Variants in PHC2 observed in about 807,000 individuals in gnomAD.
PHC2 encodes the protein polyhomeotic homolog 2.
Under a neutral mutation model 87.4 loss-of-function variants are expected in PHC2, and 29 were observed. That is an observed-to-expected ratio of 0.33 (90% CI 0.25 to 0.45). The LOEUF is 0.45. PHC2 is among the 20% of genes least tolerant of loss of function. PHC2 has a pLI of 1.00. For synonymous variants in PHC2, 438 were observed against 461.7 expected, an observed-to-expected ratio of 0.95 and a Z score of 0.66; for missense variants, 857 against 1,136.7, an observed-to-expected ratio of 0.75 and a Z score of 3.54.
At chr1:33,336,091 C>G (rs563266582) in intron 9 of PHC2, among the ~76,000 whole-genome samples, 5 of 151,644 alleles carry the variant, frequency 3.3e-5, no homozygotes, top group African/African-American at 1.2e-4. Context: ...CAGGTTCAAG[C>G]GATTCTCCTG....
At chr1:33,392,330 G>C (rs1238642795) in intron 1 of PHC2, among the ~76,000 whole-genome samples, 1 of 152,120 alleles carries the variant, frequency 6.6e-6, no homozygotes, top group African/African-American at 2.4e-5. Context: ...TCAGTTTATG[G>C]GCTCCCTTTC....
chr1:33,361,400 G>T (rs1251854646), intron 7 of PHC2, among the ~76,000 whole-genome samples: 1 of 152,182 alleles, frequency 6.6e-6, no homozygotes, highest in Non-Finnish European at 1.5e-5. Context: ...TAGTGCAATG[G>T]CATGATCTCT....
rs201845759 is a variant in PHC2 at position 33,414,177 on chromosome 1, T to TCACACACA, written c.-55+16791_-55+16798dup. 8.2e-3 allele frequency among the ~76,000 whole-genome samples: 1,165 copies of TCACACACA among 142,826 alleles called. 5 individuals are homozygous for TCACACACA. The highest frequency in any genetic ancestry group is 0.017 in the African/African-American group (624 of 37,506). 93.7% of individuals were successfully genotyped at this position (142,826 alleles called of 152,430 possible). ...TTTACATATGTATTCTCTCTCTCTG[T>TCACACACA]CACACACACACACACACACACACAC... On this transcript the variant is annotated intron_variant, in intron 1 of 14. Coordinates refer to ENST00000683057, the MANE Select transcript of PHC2 (RefSeq NM_001385109.1).
intron 1 of PHC2, among the ~76,000 whole-genome samples, chr1:33,397,434 T>G (rs189159411): frequency 5.9e-4 from 90 of 152,320 alleles, no homozygotes; most frequent in African/African-American, 2.0e-3. Flanking sequence ...CACGTGCACA[T>G]TAAAGCTTAA....
At chr1:33,429,545 T>C (rs1221466957) in intron 1 of PHC2, among the ~76,000 whole-genome samples, 1 of 152,234 alleles carries the variant, frequency 6.6e-6, no homozygotes, top group African/African-American at 2.4e-5. Context: ...CCTTCCCTGG[T>C]CCTCTCAGAC....
chr1:33,383,778 G>A (rs1648606268), intron 1 of PHC2, among the ~76,000 whole-genome samples: 1 of 152,190 alleles, frequency 6.6e-6, no homozygotes, highest in Non-Finnish European at 1.5e-5. Context: ...AGAACGCCAT[G>A]TGAAAACAGG....
chr1:33,396,588 G>C (rs1649304305), intron 1 of PHC2, among the ~76,000 whole-genome samples: 1 of 152,154 alleles, frequency 6.6e-6, no homozygotes, highest in South Asian at 2.1e-4. Context: ...AGGCAAAATT[G>C]AATTTTCTCC....
chr1:33,371,555 C>T (rs1647845022), intron 3 of PHC2, among the ~76,000 whole-genome samples: 1 of 152,210 alleles, frequency 6.6e-6, no homozygotes. Flanking sequence ...CCGCCCCCCA[C>T]AGAGAATTTG....
intron 1 of PHC2, among the ~76,000 whole-genome samples, chr1:33,397,973 C>A (rs545090534): frequency 2.8e-4 from 43 of 152,130 alleles, no homozygotes; most frequent in African/African-American, 1.0e-3. Flanking sequence ...GTTCCCTGTG[C>A]ATGTAAAAAA....
At chr1:33,399,254 T>C (rs1649418110) in intron 1 of PHC2, among the ~76,000 whole-genome samples, 1 of 152,144 alleles carries the variant, frequency 6.6e-6, no homozygotes, top group Admixed American at 6.5e-5. Context: ...AAAGAGGATG[T>C]GTGTAAGACT....
chr1:33,421,583 G>A (rs1473597130), intron 1 of PHC2, among the ~76,000 whole-genome samples: 1 of 152,076 alleles, frequency 6.6e-6, no homozygotes, highest in Non-Finnish European at 1.5e-5. Context: ...CCCCAGTCCC[G>A]GGACTGAGAT....
intron 10 of PHC2, 146 bp downstream of exon 10, chr1:33,333,944 T>C: frequency 1.4e-6 from 1 of 697,706 alleles, no homozygotes; most frequent in East Asian, 2.7e-5. Context: ...TAGAAAGAAA[T>C]GGCTCTATAT....
At chr1:33,407,984 G>A (rs372143261) in intron 1 of PHC2, among the ~76,000 whole-genome samples, 6 of 152,150 alleles carry the variant, frequency 3.9e-5, no homozygotes, top group African/African-American at 1.4e-4. Context: ...AAGGTGTGAG[G>A]GGGGAGAAAG....
At chr1:33,359,698 C>A (rs750023909) in intron 7 of PHC2, among the ~76,000 whole-genome samples, 2 of 152,248 alleles carry the variant, frequency 1.3e-5, no homozygotes, top group African/African-American at 4.8e-5. Flanking sequence ...ATTGAGAACA[C>A]GGAAAAGGGG....
chr1:33,359,441 G>A (rs937087811), intron 7 of PHC2, among the ~76,000 whole-genome samples: 3 of 152,188 alleles, frequency 2.0e-5, no homozygotes, highest in African/African-American at 7.2e-5. Flanking sequence ...TACCAGCAAG[G>A]AGAATGTGCC....
At chr1:33,410,713 C>T (rs1314255691) in intron 1 of PHC2, among the ~76,000 whole-genome samples, 2 of 152,114 alleles carry the variant, frequency 1.3e-5, no homozygotes, top group African/African-American at 2.4e-5. Context: ...TGATGTCCTC[C>T]TCAGTGCTAT....
intron 9 of PHC2, chr1:33,335,291 C>T: frequency 1.0e-6 from 1 of 985,428 alleles, no homozygotes. Flanking sequence ...CTCCCGCCCC[C>T]TTCCCAGGGC....
chr1:33,348,155 A>C (rs1646881008), intron 9 of PHC2, among the ~76,000 whole-genome samples: 1 of 152,210 alleles, frequency 6.6e-6, no homozygotes, highest in Admixed American at 6.5e-5. Context: ...GATAACCAAC[A>C]CAGTCAGGTA....
Position 33,332,604 on chromosome 1 carries a change from G to T in PHC2, c.1762-200C>A. 1.7e-6 allele frequency: 1 copy of T among 592,186 alleles called. No individual in the cohort carries two copies. The highest frequency in any genetic ancestry group is 3.0e-6 in the Non-Finnish European group (1 of 333,114). The allele number at this position is 592,186 out of a possible 1,614,324, so 36.7% of individuals were successfully genotyped here. ...GGCTCACGAGGTAAGATGCTAATGG[G>T]CAAAGTACAGGGATGGCTTCTGTCC... On this transcript the variant is annotated intron_variant, in intron 10 of 14. Coordinates refer to ENST00000683057, the MANE Select transcript of PHC2 (RefSeq NM_001385109.1). The surrounding 1 kb of genome is among the most constrained non-coding windows in gnomAD (Gnocchi z 4.2).
Sources: gnomAD v4.1 joint callset for allele counts (sites outside exome capture counted in the v4.1 genomes callset) on GRCh38, gnomAD v4.1.1 for gene constraint, Gnocchi (gnomAD v3.1) non-coding constraint, MANE v1.5 for transcripts, NCBI Gene and HGNC (gene_info 2026-07-23, HGNC 2026-07-21) for gene names.